USP13: variants seen among roughly 807,000 people sequenced by gnomAD.
The protein encoded by USP13 is ubiquitin carboxyl-terminal hydrolase 13.
USP13 carries 68 observed loss-of-function variants against 107.8 expected under a neutral mutation model. That is an observed-to-expected ratio of 0.63 (90% CI 0.52 to 0.77). The LOEUF is 0.77. Among genes scored for constraint, USP13 ranks in the 30% least tolerant of loss-of-function variants. The pLI is 0.00. For missense variants in USP13, 945 were observed against 1,093.3 expected, an observed-to-expected ratio of 0.86 and a Z score of 1.91; for synonymous variants, 377 against 389.5, an observed-to-expected ratio of 0.97 and a Z score of 0.38.
chr3:179,707,424 C>T (rs78048700), intron 5 of USP13, among the ~76,000 whole-genome samples: 2,668 of 152,222 alleles, frequency 0.018, 79 homozygotes, highest in African/African-American at 0.061. Flanking sequence ...AGCCCTAAAC[C>T]GGTGACTGTG....
At chr3:179,726,896 T>A (rs959916321) in intron 8 of USP13, among the ~76,000 whole-genome samples, 1 of 151,948 alleles carries the variant, frequency 6.6e-6, no homozygotes, top group African/African-American at 2.4e-5. Context: ...TCCAGGCTGG[T>A]CTCAACTCTT....
At chr3:179,740,400 A>G in intron 11 of USP13, 28 bp downstream of exon 11, 1 of 1,613,548 alleles carries the variant, frequency 6.2e-7, no homozygotes, top group South Asian at 1.1e-5. Context: ...ACGGATGCTC[A>G]GCGGGGTTGT....
At chr3:179,759,022 C>T (rs1358613744) in intron 16 of USP13, among the ~76,000 whole-genome samples, 2 of 151,952 alleles carry the variant, frequency 1.3e-5, no homozygotes, top group Admixed American at 1.3e-4. Context: ...CACTCTGTCA[C>T]CCAGGCTGGA....
intron 19 of USP13, among the ~76,000 whole-genome samples, chr3:179,774,205 T>C (rs111968216): frequency 5.9e-5 from 9 of 152,212 alleles, no homozygotes; most frequent in African/African-American, 2.2e-4. Context: ...CTTGAACTAA[T>C]AGAGTGAGAA....
chr3:179,667,778 C>T (rs1424514776), intron 1 of USP13, among the ~76,000 whole-genome samples: 1 of 152,138 alleles, frequency 6.6e-6, no homozygotes, highest in Non-Finnish European at 1.5e-5. Context: ...TCCTGAGTAG[C>T]TGGGATTAAC....
chr3:179,724,170 T>G (rs1200004210), intron 8 of USP13, among the ~76,000 whole-genome samples: 2 of 150,692 alleles, frequency 1.3e-5, no homozygotes, highest in South Asian at 2.1e-4. Flanking sequence ...AAAAAAATAA[T>G]AAGAAGGCCG....
chr3:179,762,854 C>T (rs745450698), intron 17 of USP13, among the ~76,000 whole-genome samples: 6 of 152,094 alleles, frequency 3.9e-5, no homozygotes, highest in Non-Finnish European at 8.8e-5. Context: ...ACATTTCCAC[C>T]AGTAATGAAT....
intron 19 of USP13, among the ~76,000 whole-genome samples, chr3:179,776,400 A>G (rs1011324574): frequency 6.6e-6 from 1 of 152,146 alleles, no homozygotes; most frequent in African/African-American, 2.4e-5. Context: ...TTACCTTCCA[A>G]GTTTCATAAA....
intron 13 of USP13, 23 bp from the exon 14 acceptor site, chr3:179,752,262 A>G (rs1439856070): frequency 6.2e-7 from 1 of 1,600,826 alleles, no homozygotes; most frequent in East Asian, 2.2e-5. Context: ...TGTTTCATTG[A>G]TATATCCCCT....
intron 3 of USP13, among the ~76,000 whole-genome samples, chr3:179,692,982 C>A (rs1712161627): frequency 6.6e-6 from 1 of 152,142 alleles, no homozygotes; most frequent in Non-Finnish European, 1.5e-5. Flanking sequence ...GGCAAGATTT[C>A]ATATCTTAGA....
chr3:179,781,744 G>A lies in USP13; in HGVS notation c.2419G>A (p.Glu807Lys), dbSNP rs765662685. The A allele has an allele frequency of 2.5e-6, 4 of 1,613,706 alleles. No homozygotes were observed. The South Asian group carries it at 4.4e-5, about 18-fold the overall frequency. ...PRVKDGSGTY[E>K]LFAFISHMGT... ...AGTTGTTTCCTCTTTCACAGCATATGAGCTATTTGCATTCATCAGTCACAT... is the reference window on the plus strand; with the variant it reads ...AGTTGTTTCCTCTTTCACAGCATATAAGCTATTTGCATTCATCAGTCACAT... Residue 807 changes from glutamate (E) to lysine (K), a missense_variant, in exon 20 of 21, where the codon GAG becomes AAG. Transcript: ENST00000263966.
At chr3:179,688,675 C>T (rs898982586) in intron 2 of USP13, among the ~76,000 whole-genome samples, 9 of 152,240 alleles carry the variant, frequency 5.9e-5, no homozygotes, top group Admixed American at 2.6e-4. Context: ...AGTTTTCATG[C>T]AACCCCTCCT....
intron 3 of USP13, among the ~76,000 whole-genome samples, chr3:179,697,466 T>G (rs1712366295): frequency 6.6e-6 from 1 of 152,288 alleles, no homozygotes; most frequent in African/African-American, 2.4e-5. Context: ...CCTTCATAGC[T>G]TAGGCATCTT....
intron 1 of USP13, among the ~76,000 whole-genome samples, chr3:179,670,384 C>T (rs767563668): frequency 2.6e-5 from 4 of 152,198 alleles, no homozygotes; most frequent in African/African-American, 4.8e-5. Flanking sequence ...TTCTGCCGCT[C>T]ACCCCCATGG....
In USP13 at chr3:179,786,005, C is replaced by T. The variant is rs981439841; in HGVS notation, c.*1864C>T. The T allele has an allele frequency of 6.6e-6, 1 of 152,162 alleles. No individual in the cohort carries two copies. Among genetic ancestry groups the T allele is most frequent in the Non-Finnish European group, 1.5e-5 (1 of 68,044 alleles). The allele number at this position is 152,162 out of a possible 1,614,324, so 9.4% of individuals were successfully genotyped here. On this transcript the variant is annotated 3_prime_UTR_variant, in exon 21 of 21. Transcript: ENST00000263966. ...GTAGATGGTGCTCCCTGCCTTTTCT[C>T]CTCTGTTTTCCTCAATTTGGGAACA...
At chr3:179,688,127 A>ATCCG (rs1302761494) in intron 2 of USP13, among the ~76,000 whole-genome samples, 1 of 112,382 alleles carries the variant, frequency 8.9e-6, no homozygotes, top group Non-Finnish European at 2.1e-5. Context: ...CCATCCATCC[A>ATCCG]TCCATATATC....
At chr3:179,778,562 G>A (rs752482645) in intron 19 of USP13, among the ~76,000 whole-genome samples, 1 of 152,192 alleles carries the variant, frequency 6.6e-6, no homozygotes, top group Non-Finnish European at 1.5e-5. Flanking sequence ...TCAGGCGTTC[G>A]AGACCGGCCT....
At chr3:179,726,636 G>C (rs941751401) in intron 8 of USP13, among the ~76,000 whole-genome samples, 1 of 151,814 alleles carries the variant, frequency 6.6e-6, no homozygotes, top group African/African-American at 2.4e-5. Context: ...CCTGGTGCCT[G>C]GCTGCATGGG....
intron 1 of USP13, among the ~76,000 whole-genome samples, chr3:179,670,984 A>T (rs1720734899): frequency 6.6e-6 from 1 of 152,042 alleles, no homozygotes; most frequent in Non-Finnish European, 1.5e-5. Context: ...GGTGTGAACC[A>T]CCATGTCCGG....
Sources: allele counts gnomAD v4.1 joint callset (sites outside exome capture counted in the v4.1 genomes callset), GRCh38; gene constraint gnomAD v4.1.1; transcripts MANE v1.5; gene names NCBI Gene and HGNC (gene_info 2026-07-23, HGNC 2026-07-21).